Variants in DEPDC1B observed in about 807,000 individuals in gnomAD.
DEPDC1B encodes DEP domain-containing protein 1B.
Under a neutral mutation model 66.5 loss-of-function variants are expected in DEPDC1B, and 51 were observed. The ratio of observed to expected loss-of-function variants is 0.77; its 90% CI spans 0.61 to 0.97. The LOEUF (loss-of-function observed/expected upper bound fraction) is 0.97, where lower values mean the gene tolerates loss of function less well. DEPDC1B is among the 50% of genes least tolerant of loss of function. The pLI is 0.00. For missense variants in DEPDC1B, 552 were observed against 637.1 expected (o/e 0.87, Z 1.44); for synonymous variants, 226 against 223.6 (o/e 1.01, Z -0.10).
intron 7 of DEPDC1B, among the ~76,000 whole-genome samples, chr5:60,610,988 C>T (rs527769543): frequency 9.9e-5 from 15 of 152,262 alleles, no homozygotes; most frequent in African/African-American, 3.1e-4. Context: ...GGTATAACCT[C>T]GTTTTACTGC....
intron 7 of DEPDC1B, among the ~76,000 whole-genome samples, chr5:60,627,692 C>T (rs1233393977): frequency 6.6e-6 from 1 of 152,082 alleles, no homozygotes; most frequent in Non-Finnish European, 1.5e-5. Context: ...AGATCTCTCA[C>T]AAGTAGTTTC....
chr5:60,647,667 TTTTAA>T, intron 2 of DEPDC1B, 134 bp from the exon 3 acceptor site: 1 of 943,134 alleles, frequency 1.1e-6, no homozygotes, highest in Admixed American at 3.4e-5. Context: ...ATTACATAAA[TTTTAA>T]TTTTTTAAAC....
At chr5:60,690,607 C>G (rs1164720274) in intron 1 of DEPDC1B, among the ~76,000 whole-genome samples, 1 of 152,202 alleles carries the variant, frequency 6.6e-6, no homozygotes, top group Non-Finnish European at 1.5e-5. Flanking sequence ...CTCATTTTCT[C>G]TTACTCTTCT....
intron 8 of DEPDC1B, 122 bp from the exon 9 acceptor site, chr5:60,603,689 G>C: frequency 1.0e-6 from 1 of 982,632 alleles, no homozygotes; most frequent in Non-Finnish European, 1.4e-6. Context: ...ATTCTACCAA[G>C]AGTACCCAGC....
intron 7 of DEPDC1B, among the ~76,000 whole-genome samples, chr5:60,629,035 G>A (rs1752864514): frequency 6.6e-6 from 1 of 152,136 alleles, no homozygotes; most frequent in Admixed American, 6.5e-5. Flanking sequence ...TGGCAGCTCT[G>A]GGATGACTTG....
chr5:60,681,443 C>T (rs2112017301), intron 2 of DEPDC1B, among the ~76,000 whole-genome samples: 1 of 152,220 alleles, frequency 6.6e-6, no homozygotes, highest in Admixed American at 6.5e-5. Context: ...CTGTGCATAC[C>T]CAAAATCAAA....
At chr5:60,692,547 A>T (rs1754570739) in intron 1 of DEPDC1B, among the ~76,000 whole-genome samples, 1 of 152,218 alleles carries the variant, frequency 6.6e-6, no homozygotes, top group Non-Finnish European at 1.5e-5. Context: ...AATGTGAAAG[A>T]ACTAGAAATC....
chr5:60,653,593 G>C (rs1272834929), intron 2 of DEPDC1B, among the ~76,000 whole-genome samples: 5 of 150,194 alleles, frequency 3.3e-5, no homozygotes, highest in African/African-American at 9.9e-5. Context: ...CTATGCAGAA[G>C]CTTTTTAGTT....
At chr5:60,655,273 G>A (rs980840981) in intron 2 of DEPDC1B, among the ~76,000 whole-genome samples, 3 of 148,458 alleles carry the variant, frequency 2.0e-5, no homozygotes, top group African/African-American at 7.7e-5. Context: ...ATTGTTGCTG[G>A]CTATTTTTTT....
chr5:60,671,657 T>A (rs1335949659), intron 2 of DEPDC1B, among the ~76,000 whole-genome samples: 1 of 152,226 alleles, frequency 6.6e-6, no homozygotes, highest in Non-Finnish European at 1.5e-5. Flanking sequence ...CATTGCCTCC[T>A]GTTCCCTTCC....
At chr5:60,617,818 A>G (rs1273694479) in intron 7 of DEPDC1B, among the ~76,000 whole-genome samples, 2 of 152,330 alleles carry the variant, frequency 1.3e-5, no homozygotes, top group East Asian at 3.9e-4. Context: ...TCTCCACCCC[A>G]AAGCAACAGA....
chr5:60,650,035 A>T (rs999217856), intron 2 of DEPDC1B, among the ~76,000 whole-genome samples: 2 of 151,916 alleles, frequency 1.3e-5, no homozygotes, highest in Admixed American at 1.3e-4. Flanking sequence ...ATATTAATAT[A>T]AAAATTTTTA....
chr5:60,667,419 G>GATATTTTACATATATACAAAAAATGA (rs1753868547), intron 2 of DEPDC1B, among the ~76,000 whole-genome samples: 1 of 144,144 alleles, frequency 6.9e-6, no homozygotes. Context: ...ACAAAAAATG[G>GATATTTTACATATATACAAAAAATGA]ATATTTTACA....
At chr5:60,657,681 CT>C (rs1170087595) in intron 2 of DEPDC1B, among the ~76,000 whole-genome samples, 13 of 152,180 alleles carry the variant, frequency 8.5e-5, no homozygotes, top group African/African-American at 2.9e-4. Context: ...ATAGGTTTTC[CT>C]TTGTAGGTTA....
At chr5:60,661,472 C>T (rs1753714480) in intron 2 of DEPDC1B, among the ~76,000 whole-genome samples, 1 of 152,156 alleles carries the variant, frequency 6.6e-6, no homozygotes, top group African/African-American at 2.4e-5. Context: ...AAACGTTCCC[C>T]TCAAGGCAAA....
rs184332990 is a variant in DEPDC1B, at chr5:60,634,424, G to T, written c.898+4326C>A. On this transcript the variant is annotated intron_variant, in intron 7 of 10. Transcript: ENST00000265036. ...ACAGTGGCTCATGCCTGTAATCCCAGCATTTTGGGAGGCCGAGGCGGGCGG... is the reference window on the plus strand; with the variant it reads ...ACAGTGGCTCATGCCTGTAATCCCATCATTTTGGGAGGCCGAGGCGGGCGG... Among the ~76,000 whole-genome samples the T allele has an allele frequency of 1.5e-4, 23 of 152,282 alleles. No homozygotes were observed. In the East Asian group the frequency reaches 4.4e-3, roughly 29 times the overall value.
intron 2 of DEPDC1B, among the ~76,000 whole-genome samples, chr5:60,656,159 A>ATTT (rs59421459): frequency 6.4e-5 from 8 of 125,916 alleles, no homozygotes; most frequent in Admixed American, 7.8e-5. Context: ...GTTTAAGTCC[A>ATTT]TTTTTTTTTT....
At chr5:60,645,667 AGACAGT>A in intron 3 of DEPDC1B, 48 bp from the exon 4 acceptor site, 1 of 1,552,724 alleles carries the variant, frequency 6.4e-7, no homozygotes, top group South Asian at 1.2e-5. Context: ...AACGGTAGAA[AGACAGT>A]GAATAAATAT....
At chr5:60,647,742 A>G in intron 2 of DEPDC1B, 1 of 396,012 alleles carries the variant, frequency 2.5e-6, no homozygotes, top group Non-Finnish European at 4.2e-6. Flanking sequence ...TTTTTATCAG[A>G]TAATATTTTT....
Sources: allele counts gnomAD v4.1 joint callset (sites outside exome capture counted in the v4.1 genomes callset), GRCh38; gene constraint gnomAD v4.1.1; transcripts MANE v1.5; gene names NCBI Gene and HGNC (gene_info 2026-07-23, HGNC 2026-07-21).